The following MAP4K5 variants were observed in gnomAD, a reference collection of about 807,000 sequenced individuals.
The protein encoded by MAP4K5 is mitogen-activated protein kinase kinase kinase kinase 5.
In MAP4K5, 82 loss-of-function variants were observed where a neutral mutation model predicts 135.6. That is an observed-to-expected ratio of 0.60 (90% CI 0.51 to 0.73). The LOEUF (loss-of-function observed/expected upper bound fraction) is 0.73, where lower values mean the gene tolerates loss of function less well. MAP4K5 is among the 30% of genes least tolerant of loss of function. The pLI, the probability that MAP4K5 is intolerant of heterozygous loss-of-function variation, is 0.00. For synonymous variants in MAP4K5, 347 were observed against 335.0 expected (o/e 1.04, Z -0.39); for missense variants, 907 against 1,010.9 (o/e 0.90, Z 1.39).
Position 50,419,324 on chromosome 14 carries a change from T to C in MAP4K5, c.*695A>G, listed in dbSNP as rs747010137. The C allele has an allele frequency of 6.6e-6, 1 of 152,220 alleles. No individual in the cohort carries two copies. Among genetic ancestry groups the C allele is most frequent in the African/African-American group, 2.4e-5 (1 of 41,460 alleles). The allele number at this position is 152,220 out of a possible 1,614,324, so 9.4% of individuals were successfully genotyped here. ...TTACAACTATCTGTAGTTGAAAACA[T>C]AAGACTCCCTTTTAAGGTAATTCTG... On this transcript the variant is annotated 3_prime_UTR_variant, in exon 33 of 33. Coordinates refer to ENST00000682126, the MANE Select transcript of MAP4K5 (RefSeq NM_006575.6).
At chr14:50,466,674 A>G (rs1180788062) in intron 10 of MAP4K5, 29 bp from the exon 11 acceptor site, 12 of 976,426 alleles carry the variant, frequency 1.2e-5, no homozygotes, top group Non-Finnish European at 1.8e-5. Context: ...TTAAAGAACA[A>G]TATCAAAATT....
At chr14:50,449,908 C>T (rs1458020856) in intron 14 of MAP4K5, 1 of 151,778 alleles carries the variant, frequency 6.6e-6, no homozygotes, top group Non-Finnish European at 1.5e-5. Flanking sequence ...TTTCACATTA[C>T]ATAAAATGTG....
intron 3 of MAP4K5, among the ~76,000 whole-genome samples, chr14:50,501,961 T>C (rs1378748732): frequency 6.6e-6 from 1 of 152,176 alleles, no homozygotes; most frequent in Non-Finnish European, 1.5e-5. Flanking sequence ...ATTCAATAAA[T>C]ATTTATTAAG....
intron 2 of MAP4K5, among the ~76,000 whole-genome samples, chr14:50,525,330 C>T (rs1452104489): frequency 3.9e-5 from 6 of 152,172 alleles, no homozygotes; most frequent in African/African-American, 1.4e-4. Flanking sequence ...CCATCAATTA[C>T]CCTTCTCCTC....
At chr14:50,515,531 G>A (rs909996232) in intron 2 of MAP4K5, among the ~76,000 whole-genome samples, 1 of 151,848 alleles carries the variant, frequency 6.6e-6, no homozygotes, top group African/African-American at 2.4e-5. Context: ...TACTAGCCTG[G>A]CAAAATCCTA....
chr14:50,532,179 G>A (rs1191190056), intron 1 of MAP4K5, 21 bp from the exon 2 acceptor site: 1 of 630,194 alleles, frequency 1.6e-6, no homozygotes, highest in Non-Finnish European at 2.7e-6. Flanking sequence ...GACGAGCAAA[G>A]GCTGGTTGGC....
chr14:50,475,393 T>C (rs959671101), intron 8 of MAP4K5, among the ~76,000 whole-genome samples: 2 of 151,834 alleles, frequency 1.3e-5, no homozygotes, highest in African/African-American at 2.4e-5. Flanking sequence ...ATTTTTATTA[T>C]ATACACAATG....
chr14:50,460,650 A>G (rs531202568), intron 13 of MAP4K5, among the ~76,000 whole-genome samples: 2 of 152,232 alleles, frequency 1.3e-5, no homozygotes, highest in Non-Finnish European at 2.9e-5. Flanking sequence ...TTCCACTTCA[A>G]GTTCATTTAA....
At chr14:50,466,700 T>C (rs1035964269) in intron 10 of MAP4K5, 55 bp from the exon 11 acceptor site, 8 of 772,212 alleles carry the variant, frequency 1.0e-5, no homozygotes, top group Non-Finnish European at 1.6e-5. Flanking sequence ...ATCTAACAAT[T>C]AGAAAGAATA....
chr14:50,462,561 T>A, intron 13 of MAP4K5, 104 bp downstream of exon 13: 1 of 743,018 alleles, frequency 1.3e-6, no homozygotes, highest in Non-Finnish European at 2.3e-6. Context: ...AAACCTGTTT[T>A]AACTAAGTTA....
intron 2 of MAP4K5, among the ~76,000 whole-genome samples, chr14:50,529,984 G>A (rs2038351506): frequency 6.6e-6 from 1 of 152,194 alleles, no homozygotes; most frequent in Non-Finnish European, 1.5e-5. Context: ...GGTGGAAATG[G>A]AGGGGTGGAA....
rs201757985 is a variant in MAP4K5, at chr14:50,437,924, G to C, written c.1793C>G (p.Thr598Ser). 1.8e-4 allele frequency: 288 copies of C among 1,610,772 alleles called. 1 individual carries two copies. Among genetic ancestry groups the C allele is most frequent in the Non-Finnish European group, 2.1e-4 (250 of 1,177,404 alleles). The change falls in exon 25 of 33, where the codon ACT becomes AGT. Residue 598 changes from threonine (T) to serine (S), a missense_variant. Physicochemically the swap from Thr to Ser is moderately conservative, Grantham distance 58. Transcript: ENST00000682126. The stretch of plus-strand genomic sequence containing the variant: ...TAGTATTCGGTCTGGAAACCTGTGA[G>C]TTTGAATATGGGCAGCTAATCCTGG... ...KKPGLAAHIQ[T>S]HRFPDRILPR...
At position 50,419,811 on chromosome 14, in the gene MAP4K5, C is replaced by A. The variant is rs1049611123; in HGVS notation, c.*208G>T. 6.6e-6 allele frequency: 3 copies of A among 453,940 alleles called. No homozygotes were observed. Among genetic ancestry groups the A allele is most frequent in the Admixed American group, 3.5e-5 (1 of 28,460 alleles). 28.1% of individuals were successfully genotyped at this position (453,940 alleles called of 1,614,324 possible). A position where few individuals can be genotyped will look rare whatever the true frequency, so the allele number is the denominator to read the frequency against. ...TGTCTCATAGCTTTTATTAAGCAAA[C>A]TTGATATAACCACCACACAGTGGCA... On this transcript the variant is annotated 3_prime_UTR_variant, in exon 33 of 33. Transcript: ENST00000682126.
chr14:50,499,779 G>C (rs1046573776), intron 3 of MAP4K5, among the ~76,000 whole-genome samples: 1 of 152,044 alleles, frequency 6.6e-6, no homozygotes, highest in African/African-American at 2.4e-5. Flanking sequence ...CAAAACTGCA[G>C]ATGAAAAAAG....
At chr14:50,552,316 G>A (rs1304685744) in intron 1 of MAP4K5, among the ~76,000 whole-genome samples, 1 of 152,090 alleles carries the variant, frequency 6.6e-6, no homozygotes, top group African/African-American at 2.4e-5. Context: ...TAACCAAGGA[G>A]GTGAGAGTTC....
chr14:50,463,484 T>C (rs1835543002), intron 12 of MAP4K5, among the ~76,000 whole-genome samples: 1 of 152,156 alleles, frequency 6.6e-6, no homozygotes, highest in Admixed American at 6.6e-5. Context: ...CCCACATATA[T>C]ACACTGTTTA....
intron 1 of MAP4K5, among the ~76,000 whole-genome samples, chr14:50,558,525 T>C (rs944063178): frequency 6.6e-6 from 1 of 152,216 alleles, no homozygotes; most frequent in African/African-American, 2.4e-5. Flanking sequence ...TAAGCATTTT[T>C]TTGTGATTCA....
chr14:50,451,340 G>A (rs1347042835), intron 14 of MAP4K5, among the ~76,000 whole-genome samples: 1 of 152,172 alleles, frequency 6.6e-6, no homozygotes, highest in Non-Finnish European at 1.5e-5. Context: ...ACAACATTCA[G>A]TGTTCTTACG....
At position 50,485,892 on chromosome 14, in the gene MAP4K5, A is replaced by C. The variant is rs894968227; in HGVS notation, c.257+212T>G. The C allele has an allele frequency of 1.1e-5, 6 of 534,058 alleles. No homozygotes were observed. The African/African-American group carries it at 1.2e-4, about 11-fold the overall frequency. The allele number at this position is 534,058 out of a possible 1,614,324, so 33.1% of individuals were successfully genotyped here. The stretch of plus-strand genomic sequence containing the variant: ...ACTTGTAATCACTTATGTTTCATTA[A>C]AATTGCCAGATGAGGTACAACTATA... On this transcript the variant is annotated intron_variant, in intron 4 of 32. Transcript: ENST00000682126.
Sources: gnomAD v4.1 joint callset for allele counts (sites outside exome capture counted in the v4.1 genomes callset) on GRCh38, gnomAD v4.1.1 for gene constraint, MANE v1.5 for transcripts, NCBI Gene and HGNC (gene_info 2026-07-23, HGNC 2026-07-21) for gene names.